ST3GAL3: variants seen among roughly 807,000 people sequenced by gnomAD.
The protein encoded by ST3GAL3 is ST3 beta-galactoside alpha-2,3-sialyltransferase 3, also known as CMP-N-acetylneuraminate-beta-1,4-galactoside alpha-2,3-sialyltransferase.
A neutral mutation model predicts 50.1 loss-of-function variants in ST3GAL3; 21 were observed. The observed-to-expected ratio is 0.42, with a 90% CI of 0.30 to 0.60. The LOEUF (loss-of-function observed/expected upper bound fraction) is 0.60, where lower values mean the gene tolerates loss of function less well. ST3GAL3 is among the 20% of genes least tolerant of loss of function. The pLI, the probability that ST3GAL3 is intolerant of heterozygous loss-of-function variation, is 0.19. For synonymous variants in ST3GAL3, 183 were observed against 190.0 expected (o/e 0.96, Z 0.30); for missense variants, 353 against 489.4 (o/e 0.72, Z 2.63).
chr1:43,809,949 C>T (rs897145143), intron 3 of ST3GAL3, among the ~76,000 whole-genome samples: 13 of 146,114 alleles, frequency 8.9e-5, no homozygotes, highest in African/African-American at 2.8e-4. Context: ...GCCGGGATTG[C>T]ACCACTGTAC....
chr1:43,803,516 T>A (rs12024345), intron 3 of ST3GAL3, among the ~76,000 whole-genome samples: 69,384 of 152,216 alleles, frequency 0.46, 16,013 homozygotes, highest in Middle Eastern at 0.56. Flanking sequence ...CAGTGGTTTA[T>A]GATGGTAGAC....
chr1:43,909,940 C>T (rs942779060), intron 9 of ST3GAL3, among the ~76,000 whole-genome samples: 2 of 152,194 alleles, frequency 1.3e-5, no homozygotes, highest in African/African-American at 4.8e-5. Flanking sequence ...CCATTTATCA[C>T]CTACCATGTT....
intron 2 of ST3GAL3, among the ~76,000 whole-genome samples, chr1:43,740,163 A>G (rs962261603): frequency 2.0e-5 from 3 of 151,942 alleles, no homozygotes; most frequent in African/African-American, 7.3e-5. Context: ...GGAGATCGAG[A>G]CCATCCTGGC....
At chr1:43,915,962 T>TA (rs1487761318) in intron 9 of ST3GAL3, among the ~76,000 whole-genome samples, 1 of 151,902 alleles carries the variant, frequency 6.6e-6, no homozygotes, top group Admixed American at 6.6e-5. Context: ...CTACTAAAAA[T>TA]AAAAAAATTA....
chr1:43,722,743 A>G (rs899216044), intron 1 of ST3GAL3, among the ~76,000 whole-genome samples: 3 of 152,210 alleles, frequency 2.0e-5, no homozygotes, highest in Non-Finnish European at 4.4e-5. Context: ...GGTTTCTTAC[A>G]GAAGCATCTG....
Position 43,838,200 on chromosome 1 carries a change from TTTCC to T in ST3GAL3, c.210-15_210-12del. ...TGCTCAGTGCCTGGCAAGCTGTAAC[TTTCC>T]TTCTCTTCCCATAGGCCTGCTGAAT... On this transcript the variant is annotated splice_polypyrimidine_tract_variant and intron_variant, in intron 4 of 11. Coordinates refer to ENST00000347631, the MANE Select transcript of ST3GAL3 (RefSeq NM_006279.5). 6.2e-7 allele frequency: 1 copy of T among 1,601,040 alleles called. No individual in the cohort carries two copies. The highest frequency in any genetic ancestry group is 8.5e-7 in the Non-Finnish European group (1 of 1,171,924).
intron 5 of ST3GAL3, chr1:43,850,501 T>C (rs1290226672): frequency 3.1e-6 from 2 of 636,994 alleles, no homozygotes; most frequent in African/African-American, 3.6e-5. Context: ...TGGAAGCCTT[T>C]TTCCAAAAGT....
chr1:43,803,172 C>T (rs149730708), intron 3 of ST3GAL3, among the ~76,000 whole-genome samples: 45 of 152,240 alleles, frequency 3.0e-4, no homozygotes, highest in Non-Finnish European at 4.1e-4. Flanking sequence ...GATCCGCCCG[C>T]GTTGGCCTCC....
chr1:43,781,683 G>A (rs549839386), intron 2 of ST3GAL3, among the ~76,000 whole-genome samples: 2 of 152,146 alleles, frequency 1.3e-5, no homozygotes, highest in African/African-American at 4.8e-5. Flanking sequence ...AAGGATATGT[G>A]ACAGAGACTG....
chr1:43,906,752 AGCTG>A (rs1333889226), intron 9 of ST3GAL3, among the ~76,000 whole-genome samples: 1 of 152,088 alleles, frequency 6.6e-6, no homozygotes, highest in Non-Finnish European at 1.5e-5. Context: ...TTATCATTAT[AGCTG>A]TCACTTATTA....
At chr1:43,786,305 G>A (rs558268524) in intron 2 of ST3GAL3, among the ~76,000 whole-genome samples, 2 of 152,216 alleles carry the variant, frequency 1.3e-5, no homozygotes, top group East Asian at 3.9e-4. Context: ...ATCTTTCTGC[G>A]GCCTGTACAC....
intron 1 of ST3GAL3, among the ~76,000 whole-genome samples, chr1:43,729,273 A>G (rs1674536943): frequency 1.3e-5 from 2 of 151,868 alleles, no homozygotes; most frequent in South Asian, 2.1e-4. Context: ...AATTTTTTGT[A>G]AAGACTATAT....
At chr1:43,823,578 T>C (rs895355473) in intron 4 of ST3GAL3, among the ~76,000 whole-genome samples, 1 of 152,258 alleles carries the variant, frequency 6.6e-6, no homozygotes, top group African/African-American at 2.4e-5. Flanking sequence ...TGGCGTTCCC[T>C]GTTCCCCTTT....
At chr1:43,800,071 T>C (rs930336315) in intron 3 of ST3GAL3, among the ~76,000 whole-genome samples, 1 of 152,106 alleles carries the variant, frequency 6.6e-6, no homozygotes, top group Admixed American at 6.5e-5. Context: ...CATGCTCCCT[T>C]GGCCCCCAGT....
At chr1:43,771,753 T>C (rs982226179) in intron 2 of ST3GAL3, 15 of 394,366 alleles carry the variant, frequency 3.8e-5, no homozygotes, top group Non-Finnish European at 6.7e-5. Flanking sequence ...TGTGTGTGTG[T>C]GTGTGTGTGT....
chr1:43,845,649 C>T (rs1022571362), intron 5 of ST3GAL3, among the ~76,000 whole-genome samples: 1 of 151,412 alleles, frequency 6.6e-6, no homozygotes, highest in Non-Finnish European at 1.5e-5. Flanking sequence ...ATTTCTGTGC[C>T]TATCTTCATT....
intron 3 of ST3GAL3, among the ~76,000 whole-genome samples, chr1:43,804,247 G>C (rs1209214042): frequency 6.6e-6 from 1 of 152,200 alleles, no homozygotes; most frequent in Non-Finnish European, 1.5e-5. Flanking sequence ...TTGTATAAAG[G>C]AGATGCGCTG....
chr1:43,863,678 G>C (rs540405863), intron 5 of ST3GAL3, among the ~76,000 whole-genome samples: 1 of 152,316 alleles, frequency 6.6e-6, no homozygotes, highest in Non-Finnish European at 1.5e-5. Context: ...AATGGGGCCT[G>C]TCTGCTCAGT....
At chr1:43,716,988 C>T (rs922714623) in intron 1 of ST3GAL3, among the ~76,000 whole-genome samples, 8 of 152,114 alleles carry the variant, frequency 5.3e-5, no homozygotes, top group Non-Finnish European at 8.8e-5. Flanking sequence ...CATAGATTTA[C>T]GTCATTTGTT....
Sources: allele counts gnomAD v4.1 joint callset (sites outside exome capture counted in the v4.1 genomes callset), GRCh38; gene constraint gnomAD v4.1.1; transcripts MANE v1.5; gene names NCBI Gene and HGNC (gene_info 2026-07-23, HGNC 2026-07-21).